CPXM2: variants seen among roughly 807,000 people sequenced by gnomAD.
CPXM2 encodes the protein inactive carboxypeptidase-like protein X2.
CPXM2 carries 66 observed loss-of-function variants against 86.1 expected under a neutral mutation model. The observed-to-expected ratio is 0.77, with a 90% CI of 0.63 to 0.94. CPXM2 has a LOEUF of 0.94. Ranked by LOEUF, CPXM2 falls within the 40% of genes least tolerant of loss-of-function variation. The pLI is 0.00. For missense variants in CPXM2, 948 were observed against 1,026.3 expected (o/e 0.92, Z 1.04); for synonymous variants, 388 against 400.2 (o/e 0.97, Z 0.36).
At chr10:123,836,113 T>C (rs574106091) in intron 4 of CPXM2, among the ~76,000 whole-genome samples, 1 of 152,098 alleles carries the variant, frequency 6.6e-6, no homozygotes, top group Non-Finnish European at 1.5e-5. Context: ...CAGGGTCCAG[T>C]GTACCCTGGA....
At chr10:123,792,672 G>C (rs1847232130) in intron 6 of CPXM2, among the ~76,000 whole-genome samples, 1 of 152,200 alleles carries the variant, frequency 6.6e-6, no homozygotes, top group Non-Finnish European at 1.5e-5. Context: ...GCAACAGGTT[G>C]GTTCCCCTTG....
Position 123,766,986 on chromosome 10 carries a change from G to C in CPXM2, c.1466C>G (p.Ser489Trp). The change falls in exon 10 of 14, where the codon TCG (serine) becomes TGG (tryptophan). Residue 489 changes from serine (S) to tryptophan (W), a missense_variant. Physicochemically the swap from Ser to Trp is radical, Grantham distance 177 (BLOSUM62 -3). Coordinates refer to ENST00000241305, the MANE Select transcript of CPXM2 (RefSeq NM_198148.3). ...HYIAIPEWFL[S>W]ENATVAAETR... Reference sequence around the variant, plus strand: ...ATTTTGACTCACCGTGGCATTTTCCGACAGAAACCACTCAGGGATTGCAAT... The same window carrying C: ...ATTTTGACTCACCGTGGCATTTTCCCACAGAAACCACTCAGGGATTGCAAT... 1 of 1,613,608 alleles carries C rather than the reference G, an allele frequency of 6.2e-7. No individual in the cohort carries two copies. The highest frequency in any genetic ancestry group is 8.5e-7 in the Non-Finnish European group (1 of 1,179,562).
chr10:123,755,531 T>A (rs923366479), intron 12 of CPXM2, among the ~76,000 whole-genome samples: 6 of 152,218 alleles, frequency 3.9e-5, no homozygotes, highest in African/African-American at 1.4e-4. Context: ...CTGAGACGGT[T>A]CACAGAAACA....
chr10:123,881,653 T>C (rs764556686), intron 1 of CPXM2, among the ~76,000 whole-genome samples: 9 of 152,156 alleles, frequency 5.9e-5, no homozygotes, highest in Non-Finnish European at 1.2e-4. Flanking sequence ...AGATGTAGCC[T>C]TCCAAGGGTT....
At chr10:123,747,526 C>T (rs1276910938) in intron 13 of CPXM2, among the ~76,000 whole-genome samples, 2 of 152,142 alleles carry the variant, frequency 1.3e-5, no homozygotes, top group East Asian at 1.9e-4. Context: ...CACCTGTACC[C>T]CATTCCCTGG....
intron 5 of CPXM2, among the ~76,000 whole-genome samples, chr10:123,798,587 C>A (rs746531234): frequency 5.3e-5 from 8 of 152,106 alleles, no homozygotes; most frequent in Non-Finnish European, 1.0e-4. Flanking sequence ...TGTACAAGGA[C>A]ACAGGACTGT....
chr10:123,931,615 A>G (rs1945667040), intron 2 of CPXM2: 1 of 152,234 alleles, frequency 6.6e-6, no homozygotes. Flanking sequence ...AAGTAGCACC[A>G]AACTCATACA....
rs1194556982 is a variant in CPXM2 at position 123,891,264 on chromosome 10, C to G, written c.304+92G>C. ...GGGAGATTCCCGGGACTGGCCCATC[C>G]CAGACACACACAATGGGAGAAGCCA... On this transcript the variant is annotated intron_variant, in intron 1 of 13. Transcript: ENST00000241305. The surrounding 1 kb of genome is among the most constrained non-coding windows in gnomAD (Gnocchi z 5.6). The G allele has an allele frequency of 2.1e-5, 23 of 1,117,802 alleles. No homozygotes were observed. The highest frequency in any genetic ancestry group is 1.3e-4 in the South Asian group (8 of 59,406). The allele number at this position is 1,117,802 out of a possible 1,614,324, so 69.2% of individuals were successfully genotyped here. A position where few individuals can be genotyped will look rare whatever the true frequency, so the allele number is the denominator to read the frequency against.
chr10:123,785,023 A>G (rs1226737871), intron 6 of CPXM2, among the ~76,000 whole-genome samples: 1 of 152,222 alleles, frequency 6.6e-6, no homozygotes, highest in Non-Finnish European at 1.5e-5. Flanking sequence ...TAGGGCGTAC[A>G]CGAAGTGACC....
intron 4 of CPXM2, among the ~76,000 whole-genome samples, chr10:123,841,062 A>G (rs1286073243): frequency 6.6e-6 from 1 of 152,202 alleles, no homozygotes; most frequent in Non-Finnish European, 1.5e-5. Flanking sequence ...TGAGCTCACA[A>G]AGATCACAGT....
rs149356212 is a variant in CPXM2, at chr10:123,912,678, C to T, written n.174+26799G>A. On this transcript the variant is annotated intron_variant and non_coding_transcript_variant, in intron 2 of 19. Coordinates refer to the CPXM2 transcript ENST00000368854. ...GAAACACGCCCAGCCCTCTCCACTC[C>T]GGCTGGAGGAAGGCTCTGAAAGGCA... Among the ~76,000 whole-genome samples the T allele has an allele frequency of 2.5e-3, 374 of 152,300 alleles. 2 individuals carry two copies. The highest frequency in any genetic ancestry group is 4.4e-3 in the Non-Finnish European group (297 of 68,036).
chr10:123,856,382 C>T (rs937185458), intron 3 of CPXM2, among the ~76,000 whole-genome samples: 1 of 152,144 alleles, frequency 6.6e-6, no homozygotes, highest in African/African-American at 2.4e-5. Context: ...AACAGTGGTG[C>T]AATAAATCAC....
chr10:123,795,733 G>A (rs754376402), intron 6 of CPXM2, among the ~76,000 whole-genome samples: 1 of 152,070 alleles, frequency 6.6e-6, no homozygotes, highest in African/African-American at 2.4e-5. Flanking sequence ...TATTTGGGGG[G>A]TGGAAAATAG....
At chr10:123,839,148 T>C (rs891838544) in intron 4 of CPXM2, among the ~76,000 whole-genome samples, 3 of 152,180 alleles carry the variant, frequency 2.0e-5, no homozygotes, top group Non-Finnish European at 2.9e-5. Flanking sequence ...ATTTAAAACC[T>C]CATAATTTCA....
At chr10:123,843,144 G>T in intron 3 of CPXM2, 2 of 330,522 alleles carry the variant, frequency 6.1e-6, no homozygotes, top group African/African-American at 2.2e-5. Context: ...CAGAGATGGA[G>T]TCTTGGTATG....
At chr10:123,918,995 G>A (rs1485689398) in intron 2 of CPXM2, among the ~76,000 whole-genome samples, 1 of 152,134 alleles carries the variant, frequency 6.6e-6, no homozygotes, top group Non-Finnish European at 1.5e-5. Context: ...TGGAGATTGT[G>A]GAAGAAATTT....
At chr10:123,848,964 G>T (rs559554244) in intron 3 of CPXM2, among the ~76,000 whole-genome samples, 60 of 152,262 alleles carry the variant, frequency 3.9e-4, no homozygotes, top group Admixed American at 3.9e-3. Context: ...AGCCACTGGG[G>T]GTACAAGTAT....
intron 2 of CPXM2, among the ~76,000 whole-genome samples, chr10:123,939,087 A>G (rs11511763): frequency 0.65 from 98,553 of 152,016 alleles, 32,632 homozygotes; most frequent in Middle Eastern, 0.78. Flanking sequence ...ACATAAAGCC[A>G]CGAGAAGTGT....
upstream of CPXM2, among the ~76,000 whole-genome samples, chr10:123,896,783 T>G (rs1945341533): frequency 2.0e-5 from 3 of 152,348 alleles, no homozygotes; most frequent in South Asian, 6.2e-4. Context: ...CGGAGCCTGC[T>G]GAGCGGCCTT....
Sources: allele counts gnomAD v4.1 joint callset (sites outside exome capture counted in the v4.1 genomes callset), GRCh38; gene constraint gnomAD v4.1.1; non-coding constraint Gnocchi (gnomAD v3.1); transcripts MANE v1.5; gene names NCBI Gene and HGNC (gene_info 2026-07-23, HGNC 2026-07-21).